EIF4G1: variants seen among roughly 807,000 people sequenced by gnomAD.
EIF4G1 encodes EIF4-gamma.
A neutral mutation model predicts 187.8 loss-of-function variants in EIF4G1; 4 were observed. The observed-to-expected ratio is 0.02, with a 90% CI of 0.01 to 0.05. The LOEUF (loss-of-function observed/expected upper bound fraction) is 0.05, where lower values mean the gene tolerates loss of function less well. Among genes scored for constraint, EIF4G1 ranks in the 10% least tolerant of loss-of-function variants. The pLI, the probability that EIF4G1 is intolerant of heterozygous loss-of-function variation, is 1.00. For missense variants in EIF4G1, 1,647 were observed against 2,081.1 expected, an observed-to-expected ratio of 0.79 and a Z score of 4.06; for synonymous variants, 844 against 781.4, an observed-to-expected ratio of 1.08 and a Z score of -1.34.
chr3:184,324,751 C>A, intron 17 of EIF4G1, 127 bp from the exon 18 acceptor site: 1 of 1,024,250 alleles, frequency 9.8e-7, no homozygotes. Context: ...AGGCATGAGC[C>A]ACTATGCCCA....
In EIF4G1 at chr3:184,325,200, G is replaced by T; in HGVS notation, c.2857-69G>T. ...ACAATGATGGGGCGGAAGGCCTGAG[G>T]AGGGGTGGGGCCTGCAGTTATAGGT... On this transcript the variant is annotated intron_variant, in intron 18 of 32. Coordinates refer to ENST00000346169, the MANE Select transcript of EIF4G1 (RefSeq NM_198241.3). The surrounding 1 kb of genome is among the most constrained non-coding windows in gnomAD (Gnocchi z 5.2). 1 of 1,604,534 alleles carries T rather than the reference G, an allele frequency of 6.2e-7. No homozygotes were observed. Among genetic ancestry groups the T allele is most frequent in the Non-Finnish European group, 8.5e-7 (1 of 1,171,398 alleles).
chr3:184,329,009 T>G lies in EIF4G1; in HGVS notation c.4161+19T>G. The G allele has an allele frequency of 6.2e-7, 1 of 1,613,574 alleles. No individual in the cohort carries two copies. The highest frequency in any genetic ancestry group is 8.5e-7 in the Non-Finnish European group (1 of 1,179,930). ...AAGCATGGTGAGTGAGGGCCAGGAG[T>G]CCAGAGATGCCTCCCACGGTGTGGT... On this transcript the variant is annotated intron_variant, in intron 28 of 32. Transcript: ENST00000346169.
In EIF4G1 at chr3:184,328,764, C is replaced by G. The variant is rs754442444; in HGVS notation, c.4079+8C>G. The stretch of plus-strand genomic sequence containing the variant: ...CATGGGGGAGCTGTTCAGGTAAGTC[C>G]CCCTGGGTGGAATTCAGGGGAGGTA... On this transcript the variant is annotated splice_region_variant and intron_variant, in intron 27 of 32. Transcript: ENST00000346169. 6.2e-7 allele frequency: 1 copy of G among 1,613,944 alleles called. No individual in the cohort carries two copies. Among genetic ancestry groups the G allele is most frequent in the African/African-American group, 1.3e-5 (1 of 74,878 alleles).
intron 6 of EIF4G1, among the ~76,000 whole-genome samples, chr3:184,318,304 T>C (rs1723140254): frequency 6.6e-6 from 1 of 152,246 alleles, no homozygotes; most frequent in Admixed American, 6.5e-5. Context: ...AATACACTTG[T>C]GCTTGTCAAA....
Position 184,315,832 on chromosome 3 carries a change from C to G in EIF4G1, c.36C>G (p.Pro12=). Residue 12 remains proline (P), a synonymous_variant, in exon 3 of 33, where the codon CCC becomes CCG. Coordinates refer to ENST00000346169, the MANE Select transcript of EIF4G1 (RefSeq NM_198241.3). ...NKAPQSTGPP[P]APSPGLPQPA... is the part of the protein sequence containing the mutation. Reference sequence around the variant, plus strand: ...CTCCACAGTCCACAGGCCCCCCACCCGCCCCATCCCCCGGACTCCCACAGG... The same window carrying G: ...CTCCACAGTCCACAGGCCCCCCACCGGCCCCATCCCCCGGACTCCCACAGG... 1 of 1,549,324 alleles carries G rather than the reference C, an allele frequency of 6.5e-7. No individual in the cohort carries two copies. Among genetic ancestry groups the G allele is most frequent in the Non-Finnish European group, 8.7e-7 (1 of 1,145,048 alleles).
At chr3:184,327,492 T>G in intron 24 of EIF4G1, 44 bp downstream of exon 24, 2 of 1,613,142 alleles carry the variant, frequency 1.2e-6, no homozygotes, top group Non-Finnish European at 1.7e-6. Flanking sequence ...ATTGGCTGCC[T>G]TGGGACTAGC....
chr3:184,325,371 G>A lies in EIF4G1; in HGVS notation c.2959G>A (p.Gly987Arg). 1 of 1,614,254 alleles carries A rather than the reference G, an allele frequency of 6.2e-7. No individual in the cohort carries two copies. The highest frequency in any genetic ancestry group is 8.5e-7 in the Non-Finnish European group (1 of 1,180,052). The stretch of plus-strand genomic sequence containing the variant: ...GCTGCAGGACGTGCTGGATCTGCGA[G>A]GGGTGTGTGTCCCCCTCCTCCCCAC... ...FMLQDVLDLR[G>R]SNWVPRRGDQ... The change falls in exon 19 of 33, where the codon GGG becomes AGG. Residue 987 changes from glycine (G) to arginine (R), a missense_variant and splice_region_variant. Transcript: ENST00000346169. The surrounding 1 kb of genome is among the most constrained non-coding windows in gnomAD (Gnocchi z 5.2).
Position 184,325,176 on chromosome 3 carries a change from CAAT to C in EIF4G1, c.2856+63_2856+65del. On this transcript the variant is annotated intron_variant, in intron 18 of 32. Transcript: ENST00000346169. This position sits in a 1 kb window ranked among gnomAD's most constrained non-coding sequence, Gnocchi z 5.2. The stretch of plus-strand genomic sequence containing the variant: ...GCATATGTGGGGCTCACTGAGCCCA[CAAT>C]GATGGGGCGGAAGGCCTGAGGAGGG... 1 of 1,597,416 alleles carries C rather than the reference CAAT, an allele frequency of 6.3e-7. No homozygotes were observed. Among genetic ancestry groups the C allele is most frequent in the Non-Finnish European group, 8.6e-7 (1 of 1,165,208 alleles).
intron 28 of EIF4G1, 134 bp from the exon 29 acceptor site, chr3:184,331,132 T>C: frequency 1.0e-6 from 1 of 964,868 alleles, no homozygotes; most frequent in East Asian, 2.4e-5. Context: ...CTATTAGTAT[T>C]TCTATAGCAT....
chr3:184,327,340 A>G lies in EIF4G1; in HGVS notation c.3553A>G (p.Ser1185Gly). The G allele has an allele frequency of 6.2e-7, 1 of 1,613,810 alleles. No individual in the cohort carries two copies. The highest frequency in any genetic ancestry group is 8.5e-7 in the Non-Finnish European group (1 of 1,180,032). ...TGCGCGGACACCTGCTACCAAGCGG[A>G]GCTTCAGCAAGGAAGTGGAGGAGCG... is the stretch of plus-strand genomic sequence containing the variant. Reference protein sequence around the residue: ...DRARTPATKRSFSKEVEERSR... With the variant: ...DRARTPATKRGFSKEVEERSR... The change falls in exon 24 of 33, where the codon AGC becomes GGC. Residue 1185 changes from serine to glycine, a missense_variant. Ser to Gly is a moderately conservative substitution (Grantham distance 56). Coordinates refer to ENST00000346169, the MANE Select transcript of EIF4G1 (RefSeq NM_198241.3).
At chr3:184,328,339 C>T (rs1045369866) in intron 26 of EIF4G1, 25 of 490,194 alleles carry the variant, frequency 5.1e-5, no homozygotes, top group South Asian at 3.5e-4. Flanking sequence ...TGCAGTGAGC[C>T]GAGATCGTGC....
chr3:184,317,787 G>T lies in EIF4G1; in HGVS notation c.395G>T (p.Gly132Val). The T allele has an allele frequency of 6.2e-7, 1 of 1,614,118 alleles. No homozygotes were observed. The highest frequency in any genetic ancestry group is 8.5e-7 in the Non-Finnish European group (1 of 1,180,010). The part of the protein sequence containing the change: ...VQPGAPGFYP[G>V]ASPTEFGTYA... ...CCAGGAGCCCCAGGCTTCTATCCAG[G>T]TGCAAGCCCTACAGAATTTGGGACC... Residue 132 changes from glycine to valine, a missense_variant, in exon 6 of 33, where the codon GGT becomes GTT. By Grantham distance (109) the Gly-to-Val change is moderately radical (BLOSUM62 -3). Coordinates refer to ENST00000346169, the MANE Select transcript of EIF4G1 (RefSeq NM_198241.3).
chr3:184,329,041 T>G (rs1040978260), intron 28 of EIF4G1, 51 bp downstream of exon 28: 1 of 1,604,848 alleles, frequency 6.2e-7, no homozygotes, highest in African/African-American at 1.3e-5. Flanking sequence ...TGGTTTTGGC[T>G]GTTTGCTGTG....
chr3:184,334,899 C>T lies in EIF4G1; in HGVS notation c.4791C>T (p.Asp1597=), dbSNP rs1577275185. The T allele has an allele frequency of 6.2e-7, 1 of 1,614,124 alleles. No individual in the cohort carries two copies. Among genetic ancestry groups the T allele is most frequent in the Non-Finnish European group, 8.5e-7 (1 of 1,180,022 alleles). Residue 1597 remains aspartate, a synonymous_variant, in exon 33 of 33, where the codon GAC becomes GAT. Transcript: ENST00000346169. This position sits in a 1 kb window ranked among gnomAD's most constrained non-coding sequence, Gnocchi z 5.8. ...KWLREAEEES[D]HN ...TCCGTGAAGCAGAGGAGGAGTCTGA[C>T]CACAACTGAGGGCTGGTGGGGCCGG...
rs1177024344 is a variant in EIF4G1, at chr3:184,315,745, G to A, written c.-34-18G>A. The A allele has an allele frequency of 3.1e-5, 48 of 1,540,072 alleles. No individual in the cohort carries two copies. Among genetic ancestry groups the A allele is most frequent in the Non-Finnish European group, 6.2e-6 (7 of 1,136,834 alleles). Reference sequence around the variant, plus strand: ...CTTGGGTCCCTTCCTCTTCCTGAGCGCCACTCTTTCCCAACAGGTGCTGGG... The same window carrying A: ...CTTGGGTCCCTTCCTCTTCCTGAGCACCACTCTTTCCCAACAGGTGCTGGG... On this transcript the variant is annotated intron_variant, in intron 2 of 32. Coordinates refer to ENST00000346169, the MANE Select transcript of EIF4G1 (RefSeq NM_198241.3).
Position 184,326,513 on chromosome 3 carries a change from C to T in EIF4G1, c.3223-14C>T, listed in dbSNP as rs760448089. ...GGGTTGGACCTATGATTCTACTCCC[C>T]TTTTCTTCTTCAGCCTGGCTCCATC... On this transcript the variant is annotated splice_polypyrimidine_tract_variant and intron_variant, in intron 21 of 32. Coordinates refer to ENST00000346169, the MANE Select transcript of EIF4G1 (RefSeq NM_198241.3). 5.1e-5 allele frequency: 82 copies of T among 1,613,726 alleles called. No homozygotes were observed. Among genetic ancestry groups the T allele is most frequent in the Non-Finnish European group, 5.8e-5 (69 of 1,179,998 alleles).
chr3:184,316,639 T>C, intron 4 of EIF4G1: 1 of 1,414,432 alleles, frequency 7.1e-7, no homozygotes, highest in Non-Finnish European at 9.7e-7. Flanking sequence ...TGTCCTGTCT[T>C]ATTGCCTTCA....
chr3:184,332,533 G>A (rs1726318575), intron 32 of EIF4G1, among the ~76,000 whole-genome samples: 2 of 152,176 alleles, frequency 1.3e-5, no homozygotes, highest in Non-Finnish European at 2.9e-5. Flanking sequence ...ACATAGGTAT[G>A]TGTCAGGGCA....
chr3:184,316,247 G>A (rs780878154), intron 4 of EIF4G1, 29 bp downstream of exon 4: 54 of 1,612,928 alleles, frequency 3.3e-5, no homozygotes, highest in Non-Finnish European at 4.2e-5. Context: ...GGGAGTAGGG[G>A]ACCTGGGTGG....
Sources: allele counts gnomAD v4.1 joint callset (sites outside exome capture counted in the v4.1 genomes callset), GRCh38; gene constraint gnomAD v4.1.1; non-coding constraint Gnocchi (gnomAD v3.1); transcripts MANE v1.5; gene names NCBI Gene and HGNC (gene_info 2026-07-23, HGNC 2026-07-21).